XKR9: variants seen among roughly 807,000 people sequenced by gnomAD.
XKR9 encodes the protein XK related 9.
Under a neutral mutation model 32.0 loss-of-function variants are expected in XKR9, and 32 were observed. The ratio of observed to expected loss-of-function variants is 1.00; its 90% CI spans 0.76 to 1.34. The LOEUF is 1.34. Ranked by LOEUF, XKR9 falls within the 40% of genes most tolerant of loss-of-function variation. The pLI is 0.00. For missense variants in XKR9, 546 were observed against 429.7 expected (o/e 1.27, Z -2.39); for synonymous variants, 168 against 143.4 (o/e 1.17, Z -1.22).
the XKR9 span, among the ~76,000 whole-genome samples, chr8:71,034,978 T>C: frequency 6.6e-6 from 1 of 152,224 alleles, no homozygotes; most frequent in Non-Finnish European, 1.5e-5. Context: ...CAACTATTTG[T>C]GGAACAATGT....
chr8:70,930,774 G>A, the XKR9 span, among the ~76,000 whole-genome samples: 13 of 152,208 alleles, frequency 8.5e-5, no homozygotes, highest in Middle Eastern at 3.4e-3. Flanking sequence ...CCTCTCTCTC[G>A]TCAGCACTTC....
chr8:70,948,412 T>C, the XKR9 span, among the ~76,000 whole-genome samples: 3 of 152,188 alleles, frequency 2.0e-5, no homozygotes, highest in African/African-American at 7.2e-5. Context: ...TGCTGTTGTA[T>C]TGAATCAATT....
chr8:70,769,145 A>G (rs1807418865), intron 2 of XKR9, among the ~76,000 whole-genome samples: 1 of 151,014 alleles, frequency 6.6e-6, no homozygotes, highest in Non-Finnish European at 1.5e-5. Context: ...ATCCCTTAGC[A>G]TTTGCTTGAC....
chr8:70,772,666 C>T (rs928851968), intron 2 of XKR9, among the ~76,000 whole-genome samples: 4 of 152,054 alleles, frequency 2.6e-5, no homozygotes, highest in Non-Finnish European at 5.9e-5. Context: ...CTCATACCAT[C>T]GTCGTGAAAT....
At chr8:70,988,044 A>G in the XKR9 span, among the ~76,000 whole-genome samples, 1 of 152,120 alleles carries the variant, frequency 6.6e-6, no homozygotes, top group Non-Finnish European at 1.5e-5. Flanking sequence ...CCAAACCCCT[A>G]GGCTGCGCAC....
chr8:70,971,602 T>C, the XKR9 span, among the ~76,000 whole-genome samples: 2 of 152,168 alleles, frequency 1.3e-5, no homozygotes, highest in African/African-American at 4.8e-5. Context: ...CAGACTTAGA[T>C]TTAAGTCTTT....
the XKR9 span, among the ~76,000 whole-genome samples, chr8:70,832,351 A>G: frequency 1.5e-4 from 23 of 152,350 alleles, no homozygotes; most frequent in African/African-American, 4.1e-4. Flanking sequence ...AGTAAAAGAA[A>G]AGAGAAATGG....
At chr8:70,918,653 A>T in the XKR9 span, among the ~76,000 whole-genome samples, 1 of 151,738 alleles carries the variant, frequency 6.6e-6, no homozygotes, top group Non-Finnish European at 1.5e-5. Context: ...AGATCATGCC[A>T]CTGCACTCCA....
At chr8:70,740,366 T>C (rs1445018204), downstream of XKR9, among the ~76,000 whole-genome samples, 1 of 151,982 alleles carries the variant, frequency 6.6e-6, no homozygotes, top group Non-Finnish European at 1.5e-5. Context: ...GTTATACATT[T>C]GTCTAAATTT....
At chr8:70,867,823 G>A in the XKR9 span, among the ~76,000 whole-genome samples, 1 of 152,176 alleles carries the variant, frequency 6.6e-6, no homozygotes, top group Non-Finnish European at 1.5e-5. Context: ...TCTGAGACAA[G>A]GCAAGTCCCT....
At chr8:70,828,612 A>G in the XKR9 span, among the ~76,000 whole-genome samples, 5 of 151,970 alleles carry the variant, frequency 3.3e-5, no homozygotes, top group African/African-American at 1.2e-4. Context: ...TAATTCAGCT[A>G]CTAGAGAGGC....
intron 3 of XKR9, among the ~76,000 whole-genome samples, chr8:70,690,361 C>T (rs1819468830): frequency 6.6e-6 from 1 of 152,010 alleles, no homozygotes; most frequent in African/African-American, 2.4e-5. Context: ...GATAGAGTCT[C>T]ACTCTGTTGC....
At chr8:70,944,084 C>T in the XKR9 span, among the ~76,000 whole-genome samples, 3 of 152,018 alleles carry the variant, frequency 2.0e-5, no homozygotes, top group African/African-American at 7.2e-5. Flanking sequence ...GTTCCAGTTC[C>T]TCTTTTGCAT....
At chr8:70,727,257 A>G (rs1806501852) in intron 4 of XKR9, among the ~76,000 whole-genome samples, 1 of 152,098 alleles carries the variant, frequency 6.6e-6, no homozygotes, top group Admixed American at 6.6e-5. Context: ...AAAACATTAT[A>G]AAAAAGATAT....
the XKR9 span, among the ~76,000 whole-genome samples, chr8:70,972,276 G>T: frequency 6.6e-6 from 1 of 152,092 alleles, no homozygotes; most frequent in Non-Finnish European, 1.5e-5. Flanking sequence ...GGTTGCTGTT[G>T]GTGTATAGCA....
intron 3 of XKR9, among the ~76,000 whole-genome samples, chr8:70,683,120 TTTGTAGTTTCTCTTAA>T (rs749087108): frequency 1.4e-4 from 21 of 152,308 alleles, no homozygotes; most frequent in Non-Finnish European, 2.8e-4. Context: ...ATCAGCCCAG[TTTGTAGTTTCTCTTAA>T]TTGCTTTGCC....
the XKR9 span, among the ~76,000 whole-genome samples, chr8:71,054,411 T>C: frequency 6.6e-6 from 1 of 152,212 alleles, no homozygotes. Flanking sequence ...TTGGCCACCA[T>C]GTAGCACTGC....
At chr8:70,891,983 G>T in the XKR9 span, among the ~76,000 whole-genome samples, 1 of 152,034 alleles carries the variant, frequency 6.6e-6, no homozygotes, top group Admixed American at 6.6e-5. Flanking sequence ...TGCTTTTGCT[G>T]CATTGATTCC....
chr8:70,690,730 CCTT>C (rs1022329515), intron 3 of XKR9, among the ~76,000 whole-genome samples: 1 of 152,110 alleles, frequency 6.6e-6, no homozygotes, highest in African/African-American at 2.4e-5. Context: ...GCCTCCAGCT[CCTT>C]CTGTGTTCTG....
Sources: allele counts gnomAD v4.1 joint callset (sites outside exome capture counted in the v4.1 genomes callset), GRCh38; gene constraint gnomAD v4.1.1; transcripts MANE v1.5; gene names NCBI Gene and HGNC (gene_info 2026-07-23, HGNC 2026-07-21).